FRMD4B: variants seen among roughly 807,000 people sequenced by gnomAD.
FRMD4B encodes FERM domain containing 4B.
A neutral mutation model predicts 141.5 loss-of-function variants in FRMD4B; 74 were observed. The observed-to-expected ratio is 0.52, with a 90% CI of 0.43 to 0.63. FRMD4B has a LOEUF of 0.63. Among genes scored for constraint, FRMD4B ranks in the 30% least tolerant of loss-of-function variants. FRMD4B has a pLI of 0.00. For synonymous variants in FRMD4B, 506 were observed against 467.9 expected, an observed-to-expected ratio of 1.08 and a Z score of -1.05; for missense variants, 1,366 against 1,253.4, an observed-to-expected ratio of 1.09 and a Z score of -1.36.
intron 21 of FRMD4B, among the ~76,000 whole-genome samples, chr3:69,176,876 A>G (rs1365497851): frequency 1.3e-5 from 2 of 152,160 alleles, no homozygotes; most frequent in East Asian, 3.9e-4. Flanking sequence ...TCTATAGAGT[A>G]GGGATAATAA....
intron 1 of FRMD4B, among the ~76,000 whole-genome samples, chr3:69,348,016 A>G (rs991365735): frequency 6.6e-6 from 1 of 152,152 alleles, no homozygotes; most frequent in Non-Finnish European, 1.5e-5. Flanking sequence ...GACACTAAAA[A>G]CCCTTCAAAA....
intron 1 of FRMD4B, among the ~76,000 whole-genome samples, chr3:69,522,909 G>A (rs936875793): frequency 8.6e-5 from 13 of 151,938 alleles, no homozygotes; most frequent in African/African-American, 2.2e-4. Context: ...GCAGAGTGTC[G>A]AGCTTATTAA....
chr3:69,535,305 G>C (rs1163448444), intron 1 of FRMD4B, among the ~76,000 whole-genome samples: 1 of 152,218 alleles, frequency 6.6e-6, no homozygotes, highest in East Asian at 1.9e-4. Flanking sequence ...TTTTGGCCAA[G>C]TGGCAACCTC....
intron 1 of FRMD4B, among the ~76,000 whole-genome samples, chr3:69,436,337 C>T: frequency 6.6e-6 from 1 of 152,116 alleles, no homozygotes; most frequent in Admixed American, 6.5e-5. Context: ...GAAATATATA[C>T]AATGCTTTCT....
rs766877615 is a variant in FRMD4B, at chr3:69,422,312, G to C, written c.-1+10322C>G. Reference sequence around the variant, plus strand: ...GGAGGCTGAGGCAGGAAAATTGCTTGAACCCGGGAGGTTGTAGTGCGTTGA... The same window carrying C: ...GGAGGCTGAGGCAGGAAAATTGCTTCAACCCGGGAGGTTGTAGTGCGTTGA... On this transcript the variant is annotated intron_variant, in intron 2 of 5. Coordinates refer to the FRMD4B transcript ENST00000459638. 6.0e-4 allele frequency among the ~76,000 whole-genome samples: 90 copies of C among 150,746 alleles called. 1 individual carries two copies. Among genetic ancestry groups the C allele is most frequent in the Non-Finnish European group, 4.7e-4 (32 of 67,850 alleles).
At chr3:69,269,900 G>A (rs181960490) in intron 5 of FRMD4B, among the ~76,000 whole-genome samples, 26 of 152,252 alleles carry the variant, frequency 1.7e-4, no homozygotes, top group Non-Finnish European at 2.5e-4. Context: ...GATTACAGGC[G>A]TGAACCACTG....
chr3:69,288,407 A>G (rs1700765347), intron 4 of FRMD4B, among the ~76,000 whole-genome samples: 2 of 152,234 alleles, frequency 1.3e-5, no homozygotes. Context: ...GCTCAAAGCC[A>G]GGCTCTCAGC....
At chr3:69,507,772 G>A (rs923936669) in intron 1 of FRMD4B, among the ~76,000 whole-genome samples, 10 of 152,246 alleles carry the variant, frequency 6.6e-5, no homozygotes, top group African/African-American at 2.4e-4. Flanking sequence ...TTGATCCAGA[G>A]ACAGAGAAGA....
chr3:69,374,175 T>C (rs1040612315), intron 1 of FRMD4B, among the ~76,000 whole-genome samples: 1 of 152,222 alleles, frequency 6.6e-6, no homozygotes, highest in Non-Finnish European at 1.5e-5. Flanking sequence ...AGAGCTACTA[T>C]TTCTCCATCA....
intron 1 of FRMD4B, among the ~76,000 whole-genome samples, chr3:69,500,496 T>A (rs1315718650): frequency 6.6e-6 from 1 of 151,870 alleles, no homozygotes; most frequent in Non-Finnish European, 1.5e-5. Context: ...TGGCTGATGG[T>A]TCCAGTGAAG....
rs73838341 is a variant in FRMD4B at position 69,298,016 on chromosome 3, T to C, written c.416+4327A>G. ...CTTTTCTCTGTGCAGAAGCAGCATATGTTTCTGAGCTGCTCCCTCTATCCT... is the reference window on the plus strand; with the variant it reads ...CTTTTCTCTGTGCAGAAGCAGCATACGTTTCTGAGCTGCTCCCTCTATCCT... On this transcript the variant is annotated intron_variant, in intron 4 of 22. Transcript: ENST00000398540. 9.7e-3 allele frequency among the ~76,000 whole-genome samples: 1,471 copies of C among 152,308 alleles called. 14 individuals carry two copies. The highest frequency in any genetic ancestry group is 0.022 in the African/African-American group (927 of 41,564).
intron 11 of FRMD4B, among the ~76,000 whole-genome samples, chr3:69,207,598 A>C (rs1164629467): frequency 1.3e-5 from 2 of 152,068 alleles, no homozygotes; most frequent in Non-Finnish European, 2.9e-5. Flanking sequence ...TCACGAGGTC[A>C]AGAGATCGAA....
At chr3:69,369,990 T>C (rs999381614) in intron 1 of FRMD4B, among the ~76,000 whole-genome samples, 8 of 152,336 alleles carry the variant, frequency 5.3e-5, no homozygotes, top group Non-Finnish European at 1.2e-4. Flanking sequence ...AAATTCTCTC[T>C]ATATTGTCTG....
chr3:69,492,861 G>T (rs1399952484), intron 1 of FRMD4B, among the ~76,000 whole-genome samples: 1 of 152,116 alleles, frequency 6.6e-6, no homozygotes, highest in Non-Finnish European at 1.5e-5. Flanking sequence ...GCTGGTAAAC[G>T]TTTCCAGTTA....
intron 1 of FRMD4B, among the ~76,000 whole-genome samples, chr3:69,314,102 G>GCACTCC (rs1228382412): frequency 9.5e-6 from 1 of 105,226 alleles, no homozygotes; most frequent in Non-Finnish European, 1.7e-5. Context: ...TCGCGCCACT[G>GCACTCC]CACTCCAGCC....
At chr3:69,174,579 T>C (rs979896704) in intron 22 of FRMD4B, among the ~76,000 whole-genome samples, 7 of 152,146 alleles carry the variant, frequency 4.6e-5, no homozygotes, top group African/African-American at 1.7e-4. Context: ...AAACACACAA[T>C]AGGGATCTTT....
At chr3:69,422,801 G>GAAA (rs80030702) in intron 2 of FRMD4B, among the ~76,000 whole-genome samples, 1 of 149,256 alleles carries the variant, frequency 6.7e-6, no homozygotes. Context: ...AATGAAAAAG[G>GAAA]AAAAAAAAAA....
chr3:69,431,239 C>A (rs553139121), intron 2 of FRMD4B, among the ~76,000 whole-genome samples: 1 of 152,312 alleles, frequency 6.6e-6, no homozygotes, highest in Admixed American at 6.5e-5. Flanking sequence ...AGTACTGCAT[C>A]ATTTAAGTCT....
chr3:69,519,273 G>A (rs185521151), intron 1 of FRMD4B, among the ~76,000 whole-genome samples: 9 of 152,290 alleles, frequency 5.9e-5, no homozygotes, highest in Admixed American at 5.2e-4. Context: ...GCCAAGTGGA[G>A]TGTGAATGTG....
Sources: allele counts gnomAD v4.1 joint callset (sites outside exome capture counted in the v4.1 genomes callset), GRCh38; gene constraint gnomAD v4.1.1; transcripts MANE v1.5; gene names NCBI Gene and HGNC (gene_info 2026-07-23, HGNC 2026-07-21).